CHD9: variants seen among roughly 807,000 people sequenced by gnomAD.
CHD9 encodes the protein ATP-dependent chromatin remodeler CHD9.
Under a neutral mutation model 316.1 loss-of-function variants are expected in CHD9, and 77 were observed. The ratio of observed to expected loss-of-function variants is 0.24; its 90% CI spans 0.20 to 0.29. The LOEUF is 0.29. Ranked by LOEUF, CHD9 falls within the 10% of genes least tolerant of loss-of-function variation. The pLI is 1.00. For synonymous variants in CHD9, 1,129 were observed against 1,158.3 expected (o/e 0.97, Z 0.51); for missense variants, 2,763 against 3,438.1 (o/e 0.80, Z 4.91).
At chr16:53,119,662 G>A (rs962476562) in intron 1 of CHD9, among the ~76,000 whole-genome samples, 27 of 152,082 alleles carry the variant, frequency 1.8e-4, no homozygotes, top group African/African-American at 5.8e-4. Context: ...GTGAAATCTC[G>A]TCTCTACTAA....
intron 1 of CHD9, among the ~76,000 whole-genome samples, chr16:53,075,428 G>A (rs2034441994): frequency 6.6e-6 from 1 of 152,162 alleles, no homozygotes; most frequent in Admixed American, 6.5e-5. Flanking sequence ...GGAGGGGCCA[G>A]GGGCGGAATG....
At chr16:53,142,355 C>G (rs1391423278) in intron 1 of CHD9, among the ~76,000 whole-genome samples, 1 of 152,322 alleles carries the variant, frequency 6.6e-6, no homozygotes, top group East Asian at 1.9e-4. Flanking sequence ...GCCTGCCTTG[C>G]CCTCGCAAAG....
At chr16:53,257,319 T>C (rs888295393) in intron 19 of CHD9, among the ~76,000 whole-genome samples, 7 of 152,180 alleles carry the variant, frequency 4.6e-5, no homozygotes, top group African/African-American at 1.4e-4. Context: ...GAATTTGAAA[T>C]TGATCCTAAG....
At chr16:53,235,933 TGTTA>T (rs1234331144) in intron 11 of CHD9, among the ~76,000 whole-genome samples, 3 of 152,156 alleles carry the variant, frequency 2.0e-5, no homozygotes, top group African/African-American at 7.2e-5. Flanking sequence ...AAGGCACTAC[TGTTA>T]GTAAGAATAG....
intron 2 of CHD9, among the ~76,000 whole-genome samples, chr16:53,161,396 G>T (rs536174826): frequency 2.6e-5 from 4 of 152,236 alleles, no homozygotes; most frequent in African/African-American, 9.6e-5. Context: ...CTACATAGCT[G>T]AAATGTTATA....
chr16:53,204,420 A>G (rs2045729626), intron 2 of CHD9, among the ~76,000 whole-genome samples: 1 of 152,162 alleles, frequency 6.6e-6, no homozygotes. Context: ...TTCTTGCCCA[A>G]ATCTCTTCGC....
At chr16:53,293,358 T>A (rs2054512006) in intron 29 of CHD9, among the ~76,000 whole-genome samples, 1 of 152,258 alleles carries the variant, frequency 6.6e-6, no homozygotes, top group Non-Finnish European at 1.5e-5. Context: ...CTAATGCCTA[T>A]AATCCCAGCA....
chr16:53,155,433 G>A (rs1421347514), intron 1 of CHD9, among the ~76,000 whole-genome samples: 1 of 152,066 alleles, frequency 6.6e-6, no homozygotes, highest in East Asian at 1.9e-4. Flanking sequence ...TGTTGCCCAG[G>A]CTGGTCTCAA....
intron 1 of CHD9, among the ~76,000 whole-genome samples, chr16:53,099,790 G>GT (rs2036687499): frequency 6.6e-6 from 1 of 152,206 alleles, no homozygotes; most frequent in South Asian, 2.1e-4. Flanking sequence ...GACTCTAAGA[G>GT]TCCCGGGAGA....
At position 53,209,524 on chromosome 16, in the gene CHD9, A is replaced by G. The variant is rs768610283; in HGVS notation, c.1495A>G (p.Lys499Glu). Residue 499 changes from lysine (K) to glutamate (E), a missense_variant, in exon 3 of 39, where the codon AAG becomes GAG. By Grantham distance (56) the Lys-to-Glu change is moderately conservative (BLOSUM62 1). This residue lies in a region of CHD9 where 859 missense variants were observed against 890.4 expected (regional missense o/e 0.96). Transcript: ENST00000447540. ...GAGCGATGGTTCTGGGACATATACT[A>G]AGTTGCAGAATACCCAGGTGAGGGT... ...KKSDGSGTYT[K>E]LQNTQVRVMS... 1.2e-6 allele frequency: 2 copies of G among 1,613,746 alleles called. No individual in the cohort carries two copies. Among genetic ancestry groups the G allele is most frequent in the Admixed American group, 1.7e-5 (1 of 60,000 alleles).
At chr16:53,225,495 T>C (rs2047579226) in intron 4 of CHD9, among the ~76,000 whole-genome samples, 1 of 152,142 alleles carries the variant, frequency 6.6e-6, no homozygotes, top group African/African-American at 2.4e-5. Context: ...TTTTTTAAGT[T>C]CTCCTTGAAA....
intron 1 of CHD9, among the ~76,000 whole-genome samples, chr16:53,104,849 C>T (rs530320507): frequency 2.6e-5 from 4 of 151,546 alleles, no homozygotes; most frequent in South Asian, 4.2e-4. Flanking sequence ...ACTTCTTTCT[C>T]GTATATTCTC....
chr16:53,056,632 G>C (rs2152488973), intron 1 of CHD9, among the ~76,000 whole-genome samples: 1 of 152,366 alleles, frequency 6.6e-6, no homozygotes, highest in Admixed American at 6.5e-5. Flanking sequence ...AGGACAGCGT[G>C]CACGGGGCAG....
intron 3 of CHD9, among the ~76,000 whole-genome samples, chr16:53,218,062 C>CT (rs1185066551): frequency 6.6e-6 from 1 of 151,660 alleles, no homozygotes; most frequent in African/African-American, 2.4e-5. Context: ...TCAGAATTGA[C>CT]TTTTTTCCTA....
At position 53,324,904 on chromosome 16, in the gene CHD9, C is replaced by T. The variant is rs778257749; in HGVS notation, c.*9C>T. The T allele has an allele frequency of 6.4e-7, 1 of 1,554,434 alleles. No homozygotes were observed. The highest frequency in any genetic ancestry group is 8.7e-7 in the Non-Finnish European group (1 of 1,154,978). On this transcript the variant is annotated 3_prime_UTR_variant, in exon 39 of 39. Transcript: ENST00000447540. ...CTAGTAATGAAGACTGATTCCCAGA[C>T]TCTGCACTTAAAATATGAACTGATT...
intron 17 of CHD9, chr16:53,250,328 G>A (rs1274950133): frequency 2.8e-6 from 1 of 356,464 alleles, no homozygotes; most frequent in African/African-American, 2.2e-5. Context: ...ATTGAGTACA[G>A]TACTTTTTGT....
chr16:53,307,614 G>A, intron 32 of CHD9, 67 bp from the exon 33 acceptor site: 2 of 1,400,752 alleles, frequency 1.4e-6, no homozygotes, highest in Non-Finnish European at 9.7e-7. Context: ...AGACTCTTGA[G>A]CTATTTGATC....
chr16:53,140,058 A>G (rs1239122818), intron 1 of CHD9, among the ~76,000 whole-genome samples: 1 of 151,956 alleles, frequency 6.6e-6, no homozygotes, highest in African/African-American at 2.4e-5. Flanking sequence ...GAGATCGACC[A>G]CTACACTCCA....
intron 1 of CHD9, among the ~76,000 whole-genome samples, chr16:53,090,263 G>A (rs552855944): frequency 1.3e-5 from 2 of 152,196 alleles, no homozygotes; most frequent in Non-Finnish European, 2.9e-5. Context: ...TTGCAGCTGA[G>A]TGTGAGAACA....
Sources: gnomAD v4.1 joint callset for allele counts (sites outside exome capture counted in the v4.1 genomes callset) on GRCh38, gnomAD v4.1.1 for gene constraint, gnomAD v4.1.1 regional missense constraint, MANE v1.5 for transcripts, NCBI Gene and HGNC (gene_info 2026-07-23, HGNC 2026-07-21) for gene names.